The following MKI67 variants were observed in gnomAD, a reference collection of about 807,000 sequenced individuals.
MKI67 encodes the protein marker of proliferation Ki-67.
A neutral mutation model predicts 233.5 loss-of-function variants in MKI67; 152 were observed. That is an observed-to-expected ratio of 0.65 (90% CI 0.57 to 0.74). MKI67 has a LOEUF of 0.74. Among genes scored for constraint, MKI67 ranks in the 30% least tolerant of loss-of-function variants. The pLI is 0.00. For synonymous variants in MKI67, 1,465 were observed against 1,418.5 expected (o/e 1.03, Z -0.74); for missense variants, 3,940 against 3,885.2 (o/e 1.01, Z -0.37).
At chr10:128,118,180 G>A (rs948133603) in intron 5 of MKI67, among the ~76,000 whole-genome samples, 4 of 152,112 alleles carry the variant, frequency 2.6e-5, no homozygotes, top group Non-Finnish European at 4.4e-5. Context: ...GGTGGATCAC[G>A]AGGTTAGGAG....
chr10:128,110,795 T>C (rs1852658327), intron 11 of MKI67, among the ~76,000 whole-genome samples: 1 of 152,210 alleles, frequency 6.6e-6, no homozygotes, highest in South Asian at 2.1e-4. Flanking sequence ...GACCTCTGGG[T>C]CCTCCTAACA....
At chr10:128,100,048 G>A (rs1204911091) in intron 14 of MKI67, among the ~76,000 whole-genome samples, 2 of 151,562 alleles carry the variant, frequency 1.3e-5, no homozygotes, top group African/African-American at 4.8e-5. Flanking sequence ...TGGAGCCTGC[G>A]TTTTATTGTA....
Position 128,114,934 on chromosome 10 carries a change from A to G in MKI67, c.1474T>C (p.Ser492Pro), listed in dbSNP as rs889438686. 2 of 1,549,962 alleles carry G rather than the reference A, an allele frequency of 1.3e-6. No individual in the cohort carries two copies. Among genetic ancestry groups the G allele is most frequent in the Non-Finnish European group, 1.7e-6 (2 of 1,149,050 alleles). ...SSVDINNFGDSINESEGIPLK... is the reference protein window; with the variant it reads ...SSVDINNFGDPINESEGIPLK... ...TACAATTAAATAAACTTACTAATGG[A>G]ATCACCAAAGTTGTTGATATCAACT... The change falls in exon 7 of 15, where the codon TCC (serine) becomes CCC (proline). Residue 492 changes from serine (S) to proline (P), a missense_variant. Coordinates refer to ENST00000368654, the MANE Select transcript of MKI67 (RefSeq NM_002417.5).
At chr10:128,121,276 A>G (rs1819764526) in intron 4 of MKI67, among the ~76,000 whole-genome samples, 1 of 150,174 alleles carries the variant, frequency 6.7e-6, no homozygotes, top group Non-Finnish European at 1.5e-5. Flanking sequence ...GAATAATAGT[A>G]GGGGAAAATT....
At position 128,125,725 on chromosome 10, in the gene MKI67, G is replaced by A. The variant is rs2136154420; in HGVS notation, c.-58C>T. 1 of 1,447,048 alleles carries A rather than the reference G, an allele frequency of 6.9e-7. No homozygotes were observed. The highest frequency in any genetic ancestry group is 2.3e-5 in the East Asian group (1 of 44,066). The allele number at this position is 1,447,048 out of a possible 1,614,324, so 89.6% of individuals were successfully genotyped here. A position where few individuals can be genotyped will look rare whatever the true frequency, so the allele number is the denominator to read the frequency against. ...GGGAAGGCCAGGTATAATCCGTAGGGGAAGGCCAGAAGCAAATTTACAACT... is the reference window on the plus strand; with the variant it reads ...GGGAAGGCCAGGTATAATCCGTAGGAGAAGGCCAGAAGCAAATTTACAACT... On this transcript the variant is annotated 5_prime_UTR_variant, in exon 2 of 15. Transcript: ENST00000368654. This position sits in a 1 kb window ranked among gnomAD's most constrained non-coding sequence, Gnocchi z 5.3.
In MKI67 at chr10:128,107,476, G is replaced by A. The variant is rs1175285286; in HGVS notation, c.4364C>T (p.Pro1455Leu). ...AASVTGSKRHPKTKEKAQPLE... is the reference protein window; with the variant it reads ...AASVTGSKRHLKTKEKAQPLE... Reference sequence around the variant, plus strand: ...GGGTTGGGCCTTTTCCTTAGTTTTTGGGTGCCTCTTGCTACCAGTTACACT... The same window carrying A: ...GGGTTGGGCCTTTTCCTTAGTTTTTAGGTGCCTCTTGCTACCAGTTACACT... Residue 1455 changes from proline to leucine, a missense_variant, in exon 13 of 15, where the codon CCA becomes CTA. Pro to Leu is a moderately conservative substitution (Grantham distance 98). Coordinates refer to ENST00000368654, the MANE Select transcript of MKI67 (RefSeq NM_002417.5). 3.7e-6 allele frequency: 6 copies of A among 1,613,368 alleles called. No homozygotes were observed. The highest frequency in any genetic ancestry group is 5.1e-6 in the Non-Finnish European group (6 of 1,179,934).
intron 7 of MKI67, 48 bp downstream of exon 7, chr10:128,114,877 TAGA>T (rs776650724): frequency 1.3e-5 from 19 of 1,470,698 alleles, no homozygotes; most frequent in Middle Eastern, 1.8e-4. Context: ...CACAGCTACA[TAGA>T]AGGTGTTCAT....
chr10:128,105,761 G>T lies in MKI67; in HGVS notation c.6079C>A (p.Gln2027Lys). Residue 2027 changes from glutamine to lysine, a missense_variant, in exon 13 of 15, where the codon CAG becomes AAG. Transcript: ENST00000368654. ...KLTQTSGKTT[Q>K]THRETAGDGK... ...TCTCCTGCTGTCTCTCTGTGTGTCT[G>T]TGTGGTCTTCCCTGACGTCTGTGTG... 1 of 1,614,080 alleles carries T rather than the reference G, an allele frequency of 6.2e-7. No homozygotes were observed. The highest frequency in any genetic ancestry group is 8.5e-7 in the Non-Finnish European group (1 of 1,180,032).
Position 128,104,387 on chromosome 10 carries a change from G to T in MKI67, c.7453C>A (p.Pro2485Thr), listed in dbSNP as rs770068266. ...SRSSKQRLKI[P>T]LVKVDMKEEP... ...TCTTTCATGTCCACTTTCACCAGGG[G>T]TATCTTGAGCCTTTGCTTGGAGCTT... The change falls in exon 13 of 15, where the codon CCC becomes ACC. Residue 2485 changes from proline (P) to threonine (T), a missense_variant. Coordinates refer to ENST00000368654, the MANE Select transcript of MKI67 (RefSeq NM_002417.5). 1.2e-6 allele frequency: 2 copies of T among 1,614,060 alleles called. No individual in the cohort carries two copies. Among genetic ancestry groups the T allele is most frequent in the Admixed American group, 3.3e-5 (2 of 59,998 alleles).
In MKI67 at chr10:128,125,736, A is replaced by C; in HGVS notation, c.-69T>G. On this transcript the variant is annotated 5_prime_UTR_variant, in exon 2 of 15. Transcript: ENST00000368654. This position sits in a 1 kb window ranked among gnomAD's most constrained non-coding sequence, Gnocchi z 5.3. Reference sequence around the variant, plus strand: ...GTATAATCCGTAGGGGAAGGCCAGAAGCAAATTTACAACTCTTCCACTGCA... The same window carrying C: ...GTATAATCCGTAGGGGAAGGCCAGACGCAAATTTACAACTCTTCCACTGCA... The C allele has an allele frequency of 1.5e-6, 2 of 1,344,308 alleles. No homozygotes were observed. Among genetic ancestry groups the C allele is most frequent in the Non-Finnish European group, 2.1e-6 (2 of 934,968 alleles). 83.3% of individuals were successfully genotyped at this position (1,344,308 alleles called of 1,614,324 possible).
chr10:128,105,500 G>A lies in MKI67; in HGVS notation c.6340C>T (p.Pro2114Ser). The change falls in exon 13 of 15, where the codon CCA (proline) becomes TCA (serine). Residue 2114 changes from proline (P) to serine (S), a missense_variant. By Grantham distance (74) the Pro-to-Ser change is moderately conservative. Coordinates refer to ENST00000368654, the MANE Select transcript of MKI67 (RefSeq NM_002417.5). The stretch of plus-strand genomic sequence containing the variant: ...TTGGGCCGCCTCCTTGTGCTTGTTG[G>A]AGTGTCCATTGATTCTGGTGGTGGA... ...KSPPPESMDT[P>S]TSTRRRPKTP... 1 of 1,614,036 alleles carries A rather than the reference G, an allele frequency of 6.2e-7. No homozygotes were observed. Among genetic ancestry groups the A allele is most frequent in the South Asian group, 1.1e-5 (1 of 91,072 alleles).
chr10:128,101,573 C>A lies in MKI67; in HGVS notation c.9390G>T (p.Glu3130Asp). 6.2e-7 allele frequency: 1 copy of A among 1,614,244 alleles called. No homozygotes were observed. The highest frequency in any genetic ancestry group is 8.5e-7 in the Non-Finnish European group (1 of 1,180,044). The change falls in exon 14 of 15, where the codon GAG becomes GAT. Residue 3130 changes from glutamate (E) to aspartate (D), a missense_variant. Physicochemically the swap from Glu to Asp is conservative, Grantham distance 45. Coordinates refer to ENST00000368654, the MANE Select transcript of MKI67 (RefSeq NM_002417.5). ...NEKKPMKTSP[E>D]MDIQNPDDGA... ...CATCATCTGGATTCTGAATGTCCAT[C>A]TCTGGGGAGGTCTTCATGGGCTTCT... is the stretch of plus-strand genomic sequence containing the variant.
At chr10:128,100,909 G>T (rs1054577253) in intron 14 of MKI67, among the ~76,000 whole-genome samples, 1 of 152,162 alleles carries the variant, frequency 6.6e-6, no homozygotes, top group Non-Finnish European at 1.5e-5. Context: ...CCTGTTTCAA[G>T]AGGTGATTTT....
Position 128,110,408 on chromosome 10 carries a change from CTT to C in MKI67, c.2384_2385del (p.Glu795GlyfsTer27). ...CTCTCTGAGGTGGGGAGCAGAGGTT[CTT>C]CTCCTGAATCAGTTCCTTGAAACTG... ...GKQFQGTDSG[E>X]EPLLPTSESF... On this transcript the variant is annotated frameshift_variant, in exon 12 of 15. Transcript: ENST00000368654. LOFTEE classifies it high-confidence loss of function. The C allele has an allele frequency of 6.3e-7, 1 of 1,575,912 alleles. No homozygotes were observed. Among genetic ancestry groups the C allele is most frequent in the Non-Finnish European group, 8.7e-7 (1 of 1,150,562 alleles).
At chr10:128,121,545 TTA>T (rs1001727825) in intron 4 of MKI67, among the ~76,000 whole-genome samples, 5 of 134,472 alleles carry the variant, frequency 3.7e-5, no homozygotes, top group African/African-American at 1.1e-4. Context: ...TATATTATAA[TTA>T]TATATGATTA....
rs758108962 is a variant in MKI67, at chr10:128,108,365, C to T, written c.3475G>A (p.Glu1159Lys). ...GTTAGTTTCCTGAGTGCTAAGAATT[C>T]TTCCTCTACATCTGCTTTCCTGAGA... Reference protein sequence around the residue: ...RSLRKADVEEEFLALRKLTPS... With the variant: ...RSLRKADVEEKFLALRKLTPS... The change falls in exon 13 of 15, where the codon GAA becomes AAA. Residue 1159 changes from glutamate (E) to lysine (K), a missense_variant. Glu to Lys is a moderately conservative substitution (Grantham distance 56, BLOSUM62 1). Transcript: ENST00000368654. The T allele has an allele frequency of 6.2e-7, 1 of 1,613,994 alleles. No homozygotes were observed. Among genetic ancestry groups the T allele is most frequent in the African/African-American group, 1.3e-5 (1 of 74,888 alleles).
rs1052644073 is a variant in MKI67 at position 128,096,678 on chromosome 10, C to A, written c.*2512G>T. On this transcript the variant is annotated 3_prime_UTR_variant, in exon 15 of 15. Coordinates refer to ENST00000368654, the MANE Select transcript of MKI67 (RefSeq NM_002417.5). ...CATGGGTTTTAAGACCATTTCATCA[C>A]ATACTTTATTGGACATCTCCTGTGG... The A allele has an allele frequency of 2.0e-5, 3 of 152,240 alleles. No individual in the cohort carries two copies. Among genetic ancestry groups the A allele is most frequent in the Non-Finnish European group, 4.4e-5 (3 of 68,060 alleles). The allele number at this position is 152,240 out of a possible 1,614,324, so 9.4% of individuals were successfully genotyped here.
Position 128,101,646 on chromosome 10 carries a change from G to T in MKI67, c.9317C>A (p.Thr3106Asn), listed in dbSNP as rs546729951. The T allele has an allele frequency of 1.2e-5, 19 of 1,612,982 alleles. No individual in the cohort carries two copies. In the South Asian group the frequency reaches 1.5e-4, roughly 13 times the overall value. ...TCTTTCTGCTAATACAAAGACCTCA[G>T]TTATTTGCTGTTCTGCCTCAGTCTT... ...QNKTEAEQQI[T>N]EVFVLAERIE... is the part of the protein sequence containing the mutation. Residue 3106 changes from threonine to asparagine, a missense_variant, in exon 14 of 15, where the codon ACT becomes AAT. Coordinates refer to ENST00000368654, the MANE Select transcript of MKI67 (RefSeq NM_002417.5).
chr10:128,106,574 T>C lies in MKI67; in HGVS notation c.5266A>G (p.Lys1756Glu), dbSNP rs140039189. ...GTGTCTGCTTTCCTGAGACTTCTCT[T>C]GGGCTGTGGCTTGGAGCTTGTTGGG... The part of the protein sequence containing the change: ...DTPTSSKPQP[K>E]RSLRKADTEE... Residue 1756 changes from lysine to glutamate, a missense_variant, in exon 13 of 15, where the codon AAG (lysine) becomes GAG (glutamate). Transcript: ENST00000368654. 429 of 1,614,200 alleles carry C rather than the reference T, an allele frequency of 2.7e-4. No homozygotes were observed. Among genetic ancestry groups the C allele is most frequent in the Non-Finnish European group, 3.0e-4 (350 of 1,180,012 alleles).
Sources: allele counts gnomAD v4.1 joint callset (sites outside exome capture counted in the v4.1 genomes callset), GRCh38; gene constraint gnomAD v4.1.1; non-coding constraint Gnocchi (gnomAD v3.1); transcripts MANE v1.5; gene names NCBI Gene and HGNC (gene_info 2026-07-23, HGNC 2026-07-21).